SLC6A2: variants seen among roughly 807,000 people sequenced by gnomAD.
The protein encoded by SLC6A2 is sodium-dependent noradrenaline transporter.
In SLC6A2, 26 loss-of-function variants were observed where a neutral mutation model predicts 71.7. That is an observed-to-expected ratio of 0.36 (90% confidence interval 0.27 to 0.50). The LOEUF (loss-of-function observed/expected upper bound fraction) is 0.50, where lower values mean the gene tolerates loss of function less well. Ranked by LOEUF, SLC6A2 falls within the 20% of genes least tolerant of loss-of-function variation. The probability of loss-of-function intolerance (pLI) is 0.96; values close to 1 mark genes in which losing one functional copy is unlikely to be tolerated. For synonymous variants in SLC6A2, 363 were observed against 337.9 expected (o/e 1.07, Z -0.82); for missense variants, 581 against 803.9 (o/e 0.72, Z 3.35).
At chr16:55,693,910 G>A in intron 6 of SLC6A2, 100 bp from the exon 7 acceptor site, 1 of 836,790 alleles carries the variant, frequency 1.2e-6, no homozygotes, top group Non-Finnish European at 2.1e-6. Flanking sequence ...GTTTCCTCTG[G>A]TCTCAGAGCA....
intron 2 of SLC6A2, among the ~76,000 whole-genome samples, chr16:55,663,462 C>T (rs1964663533): frequency 6.6e-6 from 1 of 152,212 alleles, no homozygotes; most frequent in Non-Finnish European, 1.5e-5. Flanking sequence ...AGCTGCCCAA[C>T]CTTGAACTTT....
intron 2 of SLC6A2, 95 bp downstream of exon 2, chr16:55,657,063 C>T (rs1371612789): frequency 2.1e-6 from 3 of 1,419,794 alleles, no homozygotes; most frequent in Admixed American, 1.8e-5. Context: ...GGAAGGGAGG[C>T]GAGGAGACAG....
Position 55,700,187 on chromosome 16 carries a change from G to C in SLC6A2, c.1639G>C (p.Asp547His), listed in dbSNP as rs771771446. The C allele has an allele frequency of 6.2e-7, 1 of 1,614,032 alleles. No homozygotes were observed. The highest frequency in any genetic ancestry group is 1.7e-5 in the Admixed American group (1 of 60,014). The stretch of plus-strand genomic sequence containing the variant: ...CAACTTCAAGCCACTCACCTACGAC[G>C]ACTACATCTTCCCGCCCTGGGCCAA... ...IINFKPLTYDDYIFPPWANWV... is the reference protein window; with the variant it reads ...IINFKPLTYDHYIFPPWANWV... The change falls in exon 13 of 15, where the codon GAC becomes CAC. Residue 547 changes from aspartate (D) to histidine (H), a missense_variant. Physicochemically the swap from Asp to His is moderately conservative, Grantham distance 81. Coordinates refer to ENST00000568943, the MANE Select transcript of SLC6A2 (RefSeq NM_001172501.3).
Position 55,692,146 on chromosome 16 carries a change from C to T in SLC6A2, c.918+94C>T, listed in dbSNP as rs11568324. The T allele has an allele frequency of 8.0e-3, 11,229 of 1,403,994 alleles. 90 individuals carry two copies. Among genetic ancestry groups the T allele is most frequent in the Non-Finnish European group, 9.6e-3 (9,522 of 993,682 alleles). The allele number at this position is 1,403,994 out of a possible 1,614,324, so 87.0% of individuals were successfully genotyped here. A position where few individuals can be genotyped will look rare whatever the true frequency, so the allele number is the denominator to read the frequency against. ...GGAAAATCTGGTCCCAGCTCTGCCA[C>T]AAATGTGCAGTGTAGCCTTGGACAG... On this transcript the variant is annotated intron_variant, in intron 6 of 14. Coordinates refer to ENST00000568943, the MANE Select transcript of SLC6A2 (RefSeq NM_001172501.3).
chr16:55,698,072 C>T, intron 10 of SLC6A2, 47 bp downstream of exon 10: 1 of 1,599,934 alleles, frequency 6.3e-7, no homozygotes. Flanking sequence ...TCTGAGGCCG[C>T]ATTTCAATAA....
At chr16:55,697,802 C>G in intron 9 of SLC6A2, 95 bp from the exon 10 acceptor site, 1 of 1,369,962 alleles carries the variant, frequency 7.3e-7, no homozygotes, top group Non-Finnish European at 1.0e-6. Flanking sequence ...CTACATGAGT[C>G]CTGGGCTGCA....
Position 55,672,009 on chromosome 16 carries a change from C to T in SLC6A2, c.478C>T (p.Leu160Phe). The T allele has an allele frequency of 6.2e-7, 1 of 1,614,164 alleles. No individual in the cohort carries two copies. Among genetic ancestry groups the T allele is most frequent in the Non-Finnish European group, 8.5e-7 (1 of 1,180,032 alleles). ...CTACAACGTCATCATCGCCTGGTCACTCTACTACCTCTTCTCCTCCTTCAC... is the reference window on the plus strand; with the variant it reads ...CTACAACGTCATCATCGCCTGGTCATTCTACTACCTCTTCTCCTCCTTCAC... The part of the protein sequence containing the change: ...FYYNVIIAWS[L>F]YYLFSSFTLN... The change falls in exon 4 of 15, where the codon CTC becomes TTC. Residue 160 changes from leucine to phenylalanine, a missense_variant. Leu to Phe is a conservative substitution (Grantham distance 22, BLOSUM62 0). Transcript: ENST00000568943.
chr16:55,657,843 G>A (rs577753174), intron 2 of SLC6A2, among the ~76,000 whole-genome samples: 12 of 152,112 alleles, frequency 7.9e-5, no homozygotes, highest in Admixed American at 2.0e-4. Context: ...ATAGAACCCC[G>A]GGCCAGGGAA....
chr16:55,700,306 G>T lies in SLC6A2; in HGVS notation c.1758G>T (p.Glu586Asp), dbSNP rs781314148. ...TCAGCACGCAGGGCTCTCTTTGGGA[G>T]GTGAGCTCTGGTCCTCCCCAGGGGA... ...KFLSTQGSLW[E>D]RLAYGITPEN... Residue 586 changes from glutamate to aspartate, a missense_variant and splice_region_variant, in exon 13 of 15, where the codon GAG (glutamate) becomes GAT (aspartate). Coordinates refer to ENST00000568943, the MANE Select transcript of SLC6A2 (RefSeq NM_001172501.3). The T allele has an allele frequency of 6.2e-7, 1 of 1,612,532 alleles. No individual in the cohort carries two copies. The highest frequency in any genetic ancestry group is 1.3e-5 in the African/African-American group (1 of 74,860).
intron 7 of SLC6A2, among the ~76,000 whole-genome samples, chr16:55,694,743 G>C (rs1258441465): frequency 6.6e-6 from 1 of 152,220 alleles, no homozygotes; most frequent in African/African-American, 2.4e-5. Flanking sequence ...CCTGATAGAA[G>C]ACAAGCCAGT....
rs1314246144 is a variant in SLC6A2, at chr16:55,702,386, C to T, written c.*40C>T. The T allele has an allele frequency of 6.2e-7, 1 of 1,614,170 alleles. No individual in the cohort carries two copies. The highest frequency in any genetic ancestry group is 8.5e-7 in the Non-Finnish European group (1 of 1,180,012). ...GAAGGAGGAACCCCCATGCCAATGT[C>T]CAGGTCACAGGCATCCGCTGCGCTC... On this transcript the variant is annotated 3_prime_UTR_variant, in exon 15 of 15. Coordinates refer to ENST00000568943, the MANE Select transcript of SLC6A2 (RefSeq NM_001172501.3).
In SLC6A2 at chr16:55,700,282, C is replaced by T; in HGVS notation, c.1734C>T (p.Leu578=). Residue 578 remains leucine, a synonymous_variant, in exon 13 of 15, where the codon CTC becomes CTT. Coordinates refer to ENST00000568943, the MANE Select transcript of SLC6A2 (RefSeq NM_001172501.3). The part of the protein sequence containing the change: ...LVPIYVIYKF[L]STQGSLWERL... Reference sequence around the variant, plus strand: ...CCATCTACGTCATCTATAAGTTCCTCAGCACGCAGGGCTCTCTTTGGGAGG... The same window carrying T: ...CCATCTACGTCATCTATAAGTTCCTTAGCACGCAGGGCTCTCTTTGGGAGG... 1 of 1,613,914 alleles carries T rather than the reference C, an allele frequency of 6.2e-7. No homozygotes were observed.
chr16:55,674,967 C>T (rs1273787364), intron 4 of SLC6A2, among the ~76,000 whole-genome samples: 9 of 152,170 alleles, frequency 5.9e-5, no homozygotes, highest in Admixed American at 2.0e-4. Context: ...ACATTCCCAC[C>T]AACAGTGTAT....
Position 55,702,438 on chromosome 16 carries a change from C to G in SLC6A2, c.*92C>G. 1.4e-5 allele frequency: 22 copies of G among 1,610,642 alleles called. No individual in the cohort carries two copies. The highest frequency in any genetic ancestry group is 1.8e-5 in the Non-Finnish European group (21 of 1,178,376). On this transcript the variant is annotated 3_prime_UTR_variant, in exon 15 of 15. Coordinates refer to ENST00000568943, the MANE Select transcript of SLC6A2 (RefSeq NM_001172501.3). ...CACCTCGGACACCATCTTGGGATTC[C>G]TCCCCTGGAAGTTGTCCTTTCTGAT...
intron 4 of SLC6A2, among the ~76,000 whole-genome samples, chr16:55,677,735 A>G (rs1208676211): frequency 6.6e-6 from 1 of 152,116 alleles, no homozygotes; most frequent in East Asian, 1.9e-4. Context: ...TCTCGGCTCA[A>G]TGCAGCCTTG....
At position 55,668,650 on chromosome 16, in the gene SLC6A2, T is replaced by C. The variant is rs181633334; in HGVS notation, c.275-915T>C. ...GTCACCTCGCAGAGTCAGAATCCAC[T>C]AAGCACATCCCGGACTGCCAGGGTG... is the stretch of plus-strand genomic sequence containing the variant. On this transcript the variant is annotated intron_variant, in intron 2 of 14. Transcript: ENST00000568943. 2.9e-3 allele frequency among the ~76,000 whole-genome samples: 449 copies of C among 152,272 alleles called. 1 individual carries two copies. The highest frequency in any genetic ancestry group is 4.8e-3 in the Non-Finnish European group (324 of 68,032).
chr16:55,679,608 G>A (rs754488944), intron 4 of SLC6A2, among the ~76,000 whole-genome samples: 8 of 152,168 alleles, frequency 5.3e-5, no homozygotes, highest in Non-Finnish European at 1.2e-4. Context: ...CATAGCAGAG[G>A]GGTCTAAGTC....
chr16:55,699,711 G>C, intron 12 of SLC6A2, 57 bp downstream of exon 12: 1 of 1,258,324 alleles, frequency 7.9e-7, no homozygotes. Flanking sequence ...GTCCAGGATG[G>C]AGCTGGGTGA....
intron 4 of SLC6A2, among the ~76,000 whole-genome samples, chr16:55,681,941 C>G (rs916667575): frequency 2.4e-4 from 36 of 152,196 alleles, no homozygotes; most frequent in African/African-American, 8.4e-4. Context: ...GAGTCTCGCT[C>G]TGTTGCCCAG....
Sources: gnomAD v4.1 joint callset for allele counts (sites outside exome capture counted in the v4.1 genomes callset) on GRCh38, gnomAD v4.1.1 for gene constraint, MANE v1.5 for transcripts, NCBI Gene and HGNC (gene_info 2026-07-23, HGNC 2026-07-21) for gene names.